Variants in DICER1 observed in about 807,000 individuals in gnomAD.
The protein encoded by DICER1 is dicer 1, ribonuclease III.
Under a neutral mutation model 194.1 loss-of-function variants are expected in DICER1, and 43 were observed. The ratio of observed to expected loss-of-function variants is 0.22; its 90% CI spans 0.17 to 0.29. The LOEUF is 0.29. Ranked by LOEUF, DICER1 falls within the 10% of genes least tolerant of loss-of-function variation. DICER1 has a pLI of 1.00. For synonymous variants in DICER1, 832 were observed against 820.5 expected, an observed-to-expected ratio of 1.01 and a Z score of -0.24; for missense variants, 1,608 against 2,317.0, an observed-to-expected ratio of 0.69 and a Z score of 6.28.
intron 8 of DICER1, among the ~76,000 whole-genome samples, chr14:95,120,713 G>A (rs2140165636): frequency 6.6e-6 from 1 of 152,304 alleles, no homozygotes. Context: ...TTGGATTATG[G>A]CCCAAAGTAT....
intron 11 of DICER1, among the ~76,000 whole-genome samples, chr14:95,114,111 A>G (rs947256235): frequency 9.2e-5 from 14 of 152,222 alleles, no homozygotes; most frequent in African/African-American, 3.1e-4. Flanking sequence ...CTGTCCACTA[A>G]AACGCCTGGC....
intron 20 of DICER1, 120 bp downstream of exon 20, chr14:95,104,951 T>C (rs1238579594): frequency 1.0e-6 from 1 of 957,418 alleles, no homozygotes; most frequent in East Asian, 2.7e-5. Flanking sequence ...ACATAAGATA[T>C]CCATTATTTT....
At chr14:95,115,055 G>C (rs181201650) in intron 11 of DICER1, among the ~76,000 whole-genome samples, 1 of 152,164 alleles carries the variant, frequency 6.6e-6, no homozygotes, top group African/African-American at 2.4e-5. Context: ...GAAACTGAAT[G>C]AGTCTCTCTT....
chr14:95,147,027 A>C (rs1328393652), intron 1 of DICER1, among the ~76,000 whole-genome samples: 1 of 152,242 alleles, frequency 6.6e-6, no homozygotes, highest in Non-Finnish European at 1.5e-5. Context: ...TACTTGGATG[A>C]GTATTTTTCC....
intron 1 of DICER1, among the ~76,000 whole-genome samples, chr14:95,145,482 T>C (rs1180989802): frequency 6.6e-6 from 1 of 152,154 alleles, no homozygotes; most frequent in Non-Finnish European, 1.5e-5. Context: ...TCTTAGGCAA[T>C]AAAATGTTTC....
rs113809994 is a variant in DICER1, at chr14:95,108,597, A to G, written c.2257-94T>C. On this transcript the variant is annotated intron_variant, in intron 14 of 26. Coordinates refer to ENST00000343455, the MANE Select transcript of DICER1 (RefSeq NM_177438.3). ...AAAACAAATTAATTCTGGCTTTACT[A>G]AAAGCTGATGAGAATAAGCTAAGAA... 312 of 1,151,308 alleles carry G rather than the reference A, an allele frequency of 2.7e-4. No homozygotes were observed. The African/African-American group carries it at 3.9e-3, about 14-fold the overall frequency. The allele number at this position is 1,151,308 out of a possible 1,614,324, so 71.3% of individuals were successfully genotyped here. A position where few individuals can be genotyped will look rare whatever the true frequency, so the allele number is the denominator to read the frequency against.
intron 16 of DICER1, 52 bp downstream of exon 16, chr14:95,107,828 G>A: frequency 6.8e-6 from 11 of 1,608,096 alleles, no homozygotes; most frequent in Non-Finnish European, 9.4e-6. Context: ...TACCAAAGCT[G>A]TATGTTTGTA....
At chr14:95,138,994 T>TAAAAAAAAA (rs67050539) in intron 1 of DICER1, among the ~76,000 whole-genome samples, 1 of 135,962 alleles carries the variant, frequency 7.4e-6, no homozygotes, top group African/African-American at 2.6e-5. Context: ...AATAAAAAAA[T>TAAAAAAAAA]AAAAAAAAAA....
intron 22 of DICER1, among the ~76,000 whole-genome samples, chr14:95,097,794 G>C (rs1595346491): frequency 6.6e-6 from 1 of 152,214 alleles, no homozygotes; most frequent in East Asian, 1.9e-4. Context: ...TGTCTGAAAA[G>C]AAATAGCAGT....
Position 95,090,450 on chromosome 14 carries a change from C to A in DICER1, c.*48G>T, listed in dbSNP as rs757682330. The A allele has an allele frequency of 1.3e-6, 2 of 1,599,698 alleles. No individual in the cohort carries two copies. Among genetic ancestry groups the A allele is most frequent in the Non-Finnish European group, 1.7e-6 (2 of 1,168,820 alleles). ...CCTTTCCGATTTAAATAATTTTCCC[C>A]TTAATTTTTTTTGTTTTGTTTCTTG... On this transcript the variant is annotated 3_prime_UTR_variant, in exon 27 of 27. Coordinates refer to ENST00000343455, the MANE Select transcript of DICER1 (RefSeq NM_177438.3).
At chr14:95,128,728 T>C (rs1450837171) in intron 6 of DICER1, among the ~76,000 whole-genome samples, 2 of 152,220 alleles carry the variant, frequency 1.3e-5, no homozygotes, top group Non-Finnish European at 2.9e-5. Flanking sequence ...TTCAAACCCA[T>C]GTCTGACTTA....
In DICER1 at chr14:95,103,612, G is replaced by C; in HGVS notation, c.3784C>G (p.Pro1262Ala). ...SDGSPVMAVM[P>A]GTTDTIQVLK... ...ACTTGAATAGTGTCTGTCGTACCAG[G>C]CATTACGGCCATCACAGGACTTCCA... The change falls in exon 21 of 27, where the codon CCT becomes GCT. Residue 1262 changes from proline to alanine, a missense_variant. By Grantham distance (27) the Pro-to-Ala change is conservative (BLOSUM62 -1). This residue lies in a region of DICER1 where 222 missense variants were observed against 215.5 expected (regional missense o/e 1.03). Transcript: ENST00000343455. The C allele has an allele frequency of 6.2e-7, 1 of 1,614,150 alleles. No individual in the cohort carries two copies. The highest frequency in any genetic ancestry group is 1.3e-5 in the African/African-American group (1 of 75,028).
intron 1 of DICER1, among the ~76,000 whole-genome samples, chr14:95,149,736 A>AT (rs1367676712): frequency 6.6e-6 from 1 of 152,210 alleles, no homozygotes; most frequent in Non-Finnish European, 1.5e-5. Context: ...TCCATGAATA[A>AT]TTTTTTATTA....
At chr14:95,117,806 C>T (rs757431596) in intron 8 of DICER1, 52 bp from the exon 9 acceptor site, 63 of 1,588,954 alleles carry the variant, frequency 4.0e-5, no homozygotes, top group Non-Finnish European at 4.9e-5. Context: ...AGAAAATAAA[C>T]TTTTGTTTTT....
At chr14:95,147,477 T>TC (rs1385062864) in intron 1 of DICER1, among the ~76,000 whole-genome samples, 2 of 151,814 alleles carry the variant, frequency 1.3e-5, no homozygotes, top group African/African-American at 4.8e-5. Flanking sequence ...AGTAAAAACC[T>TC]CCCCCGTTAA....
chr14:95,105,759 A>G lies in DICER1; in HGVS notation c.3012T>C (p.His1004=), dbSNP rs937205200. The change falls in exon 19 of 27, where the codon CAT becomes CAC. Residue 1004 remains histidine, a synonymous_variant. Coordinates refer to ENST00000343455, the MANE Select transcript of DICER1 (RefSeq NM_177438.3). The surrounding 1 kb of genome is among the most constrained non-coding windows in gnomAD (Gnocchi z 4.9). ...SSRLNLLTPR[H]LNQKGKALPL... is the part of the protein sequence containing the mutation. ...GAAGCGCTTTCCCCTTCTGATTCAA[A>G]TGTCGAGGTGTCAAAAGATTAAGTC... 3 of 1,614,184 alleles carry G rather than the reference A, an allele frequency of 1.9e-6. No homozygotes were observed. The highest frequency in any genetic ancestry group is 2.5e-6 in the Non-Finnish European group (3 of 1,179,998).
At chr14:95,116,390 A>G in intron 10 of DICER1, 63 bp downstream of exon 10, 2 of 1,579,962 alleles carry the variant, frequency 1.3e-6, no homozygotes, top group Non-Finnish European at 8.6e-7. Flanking sequence ...ACAAAGAATA[A>G]CAAAGAAGCC....
chr14:95,114,939 T>G (rs973102294), intron 11 of DICER1, among the ~76,000 whole-genome samples: 6 of 152,086 alleles, frequency 3.9e-5, no homozygotes, highest in Non-Finnish European at 8.8e-5. Flanking sequence ...AAGGAGAGAC[T>G]AAAGAATGGT....
intron 1 of DICER1, among the ~76,000 whole-genome samples, chr14:95,145,644 A>C (rs1404197657): frequency 1.3e-5 from 2 of 152,200 alleles, no homozygotes; most frequent in Admixed American, 6.5e-5. Context: ...TGAAAAGATT[A>C]AGGTCAAACC....
Sources: gnomAD v4.1 joint callset for allele counts (sites outside exome capture counted in the v4.1 genomes callset) on GRCh38, gnomAD v4.1.1 for gene constraint, gnomAD v4.1.1 regional missense constraint, Gnocchi (gnomAD v3.1) non-coding constraint, MANE v1.5 for transcripts, NCBI Gene and HGNC (gene_info 2026-07-23, HGNC 2026-07-21) for gene names.